Variants in C1QTNF3 observed in about 807,000 individuals in gnomAD.
The protein encoded by C1QTNF3 is C1q and TNF related 3.
A neutral mutation model predicts 32.6 loss-of-function variants in C1QTNF3; 26 were observed. The observed-to-expected ratio is 0.80, with a 90% CI of 0.58 to 1.11. The LOEUF is 1.11. Ranked by LOEUF, C1QTNF3 falls within the 50% of genes least tolerant of loss-of-function variation. The pLI, the probability that C1QTNF3 is intolerant of heterozygous loss-of-function variation, is 0.00. For synonymous variants in C1QTNF3, 155 were observed against 146.0 expected, an observed-to-expected ratio of 1.06 and a Z score of -0.44; for missense variants, 362 against 398.2, an observed-to-expected ratio of 0.91 and a Z score of 0.77.
the C1QTNF3 span, among the ~76,000 whole-genome samples, chr5:34,240,500 C>A: frequency 6.6e-6 from 1 of 151,044 alleles, no homozygotes; most frequent in East Asian, 1.9e-4. Flanking sequence ...TAACTCTAGA[C>A]ACAAAAATTA....
the C1QTNF3 span, chr5:34,191,915 G>A: frequency 1.4e-6 from 1 of 709,044 alleles, no homozygotes; most frequent in Non-Finnish European, 2.6e-6. Flanking sequence ...GCTGCAAGCA[G>A]GGATGCCGGC....
chr5:34,033,542 T>A (rs1391204812), intron 2 of C1QTNF3, 84 bp from the exon 3 acceptor site: 15 of 1,541,670 alleles, frequency 9.7e-6, no homozygotes, highest in Non-Finnish European at 1.3e-5. Context: ...CCAAACTCAA[T>A]TATGAAAGGG....
the C1QTNF3 span, among the ~76,000 whole-genome samples, chr5:34,056,444 G>A: frequency 5.3e-3 from 213 of 40,192 alleles, 1 homozygote; most frequent in African/African-American, 0.013. Context: ...GTGTGTGTGT[G>A]TGTGTGTGTG....
chr5:34,030,889 A>G (rs10078697), intron 3 of C1QTNF3, among the ~76,000 whole-genome samples: 3,644 of 152,286 alleles, frequency 0.024, 131 homozygotes, highest in African/African-American at 0.074. Flanking sequence ...TGATAAGAAC[A>G]CATGGACATA....
At chr5:34,117,816 C>T in the C1QTNF3 span, among the ~76,000 whole-genome samples, 3 of 152,022 alleles carry the variant, frequency 2.0e-5, no homozygotes, top group African/African-American at 7.3e-5. Context: ...AAGTTCTTCA[C>T]TCCAATGTAG....
At chr5:34,117,119 G>A in the C1QTNF3 span, among the ~76,000 whole-genome samples, 1 of 151,812 alleles carries the variant, frequency 6.6e-6, no homozygotes, top group Non-Finnish European at 1.5e-5. Flanking sequence ...TGATATGTGG[G>A]AGTGATATCT....
the C1QTNF3 span, among the ~76,000 whole-genome samples, chr5:34,121,208 T>A: frequency 1.3e-5 from 2 of 152,232 alleles, no homozygotes; most frequent in South Asian, 2.1e-4. Context: ...TTATATTTCA[T>A]TATTAACATG....
chr5:34,022,443 C>G (rs1754354242), intron 5 of C1QTNF3, among the ~76,000 whole-genome samples: 1 of 152,168 alleles, frequency 6.6e-6, no homozygotes, highest in Admixed American at 6.5e-5. Context: ...AAGAGAAAAA[C>G]AGCCAACAAA....
chr5:34,135,474 G>C, the C1QTNF3 span, among the ~76,000 whole-genome samples: 1 of 152,008 alleles, frequency 6.6e-6, no homozygotes, highest in Non-Finnish European at 1.5e-5. Context: ...CTATTGATTG[G>C]AATAGTTTCA....
chr5:34,081,984 T>C, the C1QTNF3 span, among the ~76,000 whole-genome samples: 1 of 151,822 alleles, frequency 6.6e-6, no homozygotes, highest in Admixed American at 6.6e-5. Context: ...TAAATTGTCA[T>C]ATGGCTTTTG....
At chr5:34,084,780 G>T in the C1QTNF3 span, among the ~76,000 whole-genome samples, 1 of 113,702 alleles carries the variant, frequency 8.8e-6, no homozygotes, top group Non-Finnish European at 1.7e-5. Flanking sequence ...AGGTTGCCTG[G>T]TTTTTCTGGT....
At chr5:34,059,997 G>T in the C1QTNF3 span, among the ~76,000 whole-genome samples, 1 of 152,108 alleles carries the variant, frequency 6.6e-6, no homozygotes, top group Non-Finnish European at 1.5e-5. Context: ...ATGGGAAGTG[G>T]CCACCTTCCT....
At position 34,020,298 on chromosome 5, in the gene C1QTNF3, T is replaced by A. The variant is rs1754292114; in HGVS notation, c.*285A>T. On this transcript the variant is annotated 3_prime_UTR_variant, in exon 6 of 6. Transcript: ENST00000382065. ...TGACTTCTGTGATAGAAAAAAATAT[T>A]TCCAACCTGCGTCAGAGGAGAATTA... The A allele has an allele frequency of 6.9e-6, 2 of 290,126 alleles. No individual in the cohort carries two copies. The highest frequency in any genetic ancestry group is 1.8e-4 in the South Asian group (2 of 10,994). 18.0% of individuals were successfully genotyped at this position (290,126 alleles called of 1,614,324 possible).
At chr5:34,214,991 G>T in the C1QTNF3 span, among the ~76,000 whole-genome samples, 1 of 152,092 alleles carries the variant, frequency 6.6e-6, no homozygotes, top group Non-Finnish European at 1.5e-5. Flanking sequence ...CATATAAATG[G>T]CTATTAAAAT....
At chr5:34,076,301 A>G in the C1QTNF3 span, among the ~76,000 whole-genome samples, 1 of 151,526 alleles carries the variant, frequency 6.6e-6, no homozygotes, top group Non-Finnish European at 1.5e-5. Context: ...ACCACAATTA[A>G]TTTTTTTTAA....
chr5:34,170,433 C>T, the C1QTNF3 span, among the ~76,000 whole-genome samples: 1 of 152,086 alleles, frequency 6.6e-6, no homozygotes, highest in Non-Finnish European at 1.5e-5. Context: ...TCAGTCTTCT[C>T]ACCACACACA....
the C1QTNF3 span, among the ~76,000 whole-genome samples, chr5:34,064,099 TG>T: frequency 6.6e-6 from 1 of 152,116 alleles, no homozygotes; most frequent in Non-Finnish European, 1.5e-5. Flanking sequence ...CCAGAAGGGT[TG>T]GGGGTTGTTA....
the C1QTNF3 span, among the ~76,000 whole-genome samples, chr5:34,244,326 G>C: frequency 6.6e-6 from 1 of 152,114 alleles, no homozygotes; most frequent in Non-Finnish European, 1.5e-5. Context: ...ACAGCTCTGC[G>C]CAGAGCCAAA....
the C1QTNF3 span, among the ~76,000 whole-genome samples, chr5:34,085,742 C>A: frequency 5.9e-5 from 9 of 151,796 alleles, no homozygotes; most frequent in East Asian, 1.2e-3. Context: ...CAATGAGATA[C>A]CATCTCATGC....
Sources: gnomAD v4.1 joint callset for allele counts (sites outside exome capture counted in the v4.1 genomes callset) on GRCh38, gnomAD v4.1.1 for gene constraint, MANE v1.5 for transcripts, NCBI Gene and HGNC (gene_info 2026-07-23, HGNC 2026-07-21) for gene names.